Variants in DCAF7 observed in about 807,000 individuals in gnomAD.
DCAF7 encodes DDB1 and CUL4 associated factor 7.
DCAF7 carries 4 observed loss-of-function variants against 41.2 expected under a neutral mutation model. That is an observed-to-expected ratio of 0.10 (90% CI 0.05 to 0.22). The LOEUF is 0.22. Ranked by LOEUF, DCAF7 falls within the 10% of genes least tolerant of loss-of-function variation. The pLI is 1.00. For synonymous variants in DCAF7, 143 were observed against 164.2 expected, an observed-to-expected ratio of 0.87 and a Z score of 0.99; for missense variants, 131 against 443.2, an observed-to-expected ratio of 0.30 and a Z score of 6.32.
intron 6 of DCAF7, among the ~76,000 whole-genome samples, chr17:63,587,239 G>A (rs1178447131): frequency 6.6e-6 from 1 of 152,032 alleles, no homozygotes; most frequent in Non-Finnish European, 1.5e-5. Flanking sequence ...CTCTGCTCAT[G>A]CCTGTATGTC....
Position 63,590,817 on chromosome 17 carries a change from T to A in DCAF7, c.*1645T>A, listed in dbSNP as rs955413190. ...AGAAGTAAAACAGTAACTTTGTTCT[T>A]CTGGGCCCTTAAGCTTTTTTGGTTA... On this transcript the variant is annotated 3_prime_UTR_variant, in exon 7 of 7. Coordinates refer to ENST00000614556, the MANE Select transcript of DCAF7 (RefSeq NM_005828.5). The A allele has an allele frequency of 1.1e-4, 16 of 152,230 alleles. No individual in the cohort carries two copies. The highest frequency in any genetic ancestry group is 1.8e-4 in the Non-Finnish European group (12 of 68,054). The allele number at this position is 152,230 out of a possible 1,614,324, so 9.4% of individuals were successfully genotyped here.
chr17:63,574,698 C>T (rs1315519284), intron 1 of DCAF7, among the ~76,000 whole-genome samples: 1 of 152,184 alleles, frequency 6.6e-6, no homozygotes, highest in Non-Finnish European at 1.5e-5. Flanking sequence ...CATGGTCAAG[C>T]ACAGTGGCTC....
chr17:63,585,684 A>C (rs550078464), intron 6 of DCAF7, among the ~76,000 whole-genome samples: 2 of 152,334 alleles, frequency 1.3e-5, no homozygotes, highest in East Asian at 3.9e-4. Flanking sequence ...GACTGTGAAG[A>C]TCAACATCTC....
chr17:63,559,429 ATATGTG>A (rs2033355098), intron 1 of DCAF7, among the ~76,000 whole-genome samples: 9 of 107,192 alleles, frequency 8.4e-5, no homozygotes, highest in African/African-American at 3.9e-4. Flanking sequence ...ACGTATATAT[ATATGTG>A]TGTGTATATA....
intron 1 of DCAF7, among the ~76,000 whole-genome samples, chr17:63,572,338 G>T (rs561184256): frequency 6.6e-6 from 1 of 152,188 alleles, no homozygotes; most frequent in East Asian, 1.9e-4. Context: ...CCACTGTGCC[G>T]TATTAACATT....
intron 1 of DCAF7, 85 bp from the exon 2 acceptor site, chr17:63,578,385 A>C (rs2033585185): frequency 6.4e-7 from 1 of 1,571,870 alleles, no homozygotes; most frequent in African/African-American, 1.4e-5. Flanking sequence ...ACAAACAAAA[A>C]AAACCTCTGT....
intron 1 of DCAF7, among the ~76,000 whole-genome samples, chr17:63,558,058 C>T (rs1396322039): frequency 6.6e-6 from 1 of 151,934 alleles, no homozygotes; most frequent in Non-Finnish European, 1.5e-5. Flanking sequence ...ACCACGCCCG[C>T]TAATTTTTGT....
chr17:63,551,874 C>A (rs1359350711), intron 1 of DCAF7, among the ~76,000 whole-genome samples: 2 of 106,498 alleles, frequency 1.9e-5, no homozygotes, highest in Non-Finnish European at 3.5e-5. Context: ...CGGTGAAACC[C>A]CGTCTCTACT....
At chr17:63,569,038 C>G (rs915462593) in intron 1 of DCAF7, among the ~76,000 whole-genome samples, 1 of 152,216 alleles carries the variant, frequency 6.6e-6, no homozygotes, top group Non-Finnish European at 1.5e-5. Flanking sequence ...TCAACCTTGG[C>G]TATTATTTGA....
intron 1 of DCAF7, among the ~76,000 whole-genome samples, chr17:63,551,307 AC>A (rs34112812): frequency 2.3e-5 from 2 of 86,126 alleles, no homozygotes; most frequent in Admixed American, 1.3e-4. Context: ...CCCTACTCCC[AC>A]CCCCCCCGGG....
At chr17:63,572,129 A>G (rs2033513893) in intron 1 of DCAF7, among the ~76,000 whole-genome samples, 1 of 152,236 alleles carries the variant, frequency 6.6e-6, no homozygotes, top group African/African-American at 2.4e-5. Context: ...TGCCTTATGA[A>G]GGAGGCAAGA....
chr17:63,578,113 A>C lies in DCAF7; in HGVS notation c.139-357A>C, dbSNP rs138164775. On this transcript the variant is annotated intron_variant, in intron 1 of 6. Transcript: ENST00000614556. ...CATAGTGACTCATGTCTGTAATCCC[A>C]GCACTTTTGGGAGGCTGAGGTGGGA... 3.5e-3 allele frequency among the ~76,000 whole-genome samples: 528 copies of C among 152,318 alleles called. 3 individuals carry two copies. The highest frequency in any genetic ancestry group is 0.012 in the African/African-American group (495 of 41,582).
intron 3 of DCAF7, 39 bp downstream of exon 3, chr17:63,579,487 G>T (rs1371913354): frequency 1.3e-6 from 2 of 1,493,324 alleles, no homozygotes; most frequent in African/African-American, 2.8e-5. Flanking sequence ...GCTGGAAGAA[G>T]CCAAAATAAA....
At chr17:63,576,184 G>C (rs562673208) in intron 1 of DCAF7, among the ~76,000 whole-genome samples, 2 of 152,204 alleles carry the variant, frequency 1.3e-5, no homozygotes, top group African/African-American at 4.8e-5. Context: ...GCTCACGCCT[G>C]TAATCCTAGC....
chr17:63,574,884 G>A (rs907265488), intron 1 of DCAF7, among the ~76,000 whole-genome samples: 5 of 151,828 alleles, frequency 3.3e-5, no homozygotes, highest in African/African-American at 1.2e-4. Context: ...GAGGTGGTAG[G>A]ATCAATTGAG....
At chr17:63,568,629 T>A (rs527853694) in intron 1 of DCAF7, among the ~76,000 whole-genome samples, 4 of 152,182 alleles carry the variant, frequency 2.6e-5, no homozygotes, top group Non-Finnish European at 4.4e-5. Context: ...TGATTTAACG[T>A]TCGTTGCTCG....
intron 1 of DCAF7, among the ~76,000 whole-genome samples, chr17:63,573,570 CAAA>C (rs60800701): frequency 6.8e-6 from 1 of 147,736 alleles, no homozygotes; most frequent in South Asian, 2.1e-4. Flanking sequence ...ACGAAAAATA[CAAA>C]AAAAAAATTA....
At chr17:63,585,354 C>G in intron 6 of DCAF7, 26 bp downstream of exon 6, 4 of 1,587,408 alleles carry the variant, frequency 2.5e-6, no homozygotes, top group Non-Finnish European at 3.5e-6. Flanking sequence ...AGAAAGAAAT[C>G]TGGGAAGGAT....
intron 1 of DCAF7, among the ~76,000 whole-genome samples, chr17:63,559,367 A>ATATGTG (rs1568097727): frequency 2.0e-5 from 2 of 100,786 alleles, no homozygotes; most frequent in African/African-American, 1.1e-4. Context: ...ATGTATGTAT[A>ATATGTG]TATATATGTG....
Sources: gnomAD v4.1 joint callset for allele counts (sites outside exome capture counted in the v4.1 genomes callset) on GRCh38, gnomAD v4.1.1 for gene constraint, MANE v1.5 for transcripts, NCBI Gene and HGNC (gene_info 2026-07-23, HGNC 2026-07-21) for gene names.